WWTR1: variants seen among roughly 807,000 people sequenced by gnomAD.
The protein encoded by WWTR1 is WW domain containing transcription regulator 1.
WWTR1 carries 13 observed loss-of-function variants against 40.1 expected under a neutral mutation model. The ratio of observed to expected loss-of-function variants is 0.32; its 90% CI spans 0.21 to 0.52. The LOEUF is 0.52. WWTR1 is among the 20% of genes least tolerant of loss of function. WWTR1 has a pLI of 0.97. For missense variants in WWTR1, 436 were observed against 523.1 expected, an observed-to-expected ratio of 0.83 and a Z score of 1.63; for synonymous variants, 230 against 210.1, an observed-to-expected ratio of 1.09 and a Z score of -0.82.
chr3:149,562,397 A>G (rs1737124695), intron 3 of WWTR1, among the ~76,000 whole-genome samples: 1 of 152,200 alleles, frequency 6.6e-6, no homozygotes, highest in South Asian at 2.1e-4. Context: ...TTATGTTTGC[A>G]TTGAAGAAAG....
intron 1 of WWTR1, among the ~76,000 whole-genome samples, chr3:149,692,471 C>A (rs1466161763): frequency 3.3e-5 from 5 of 152,112 alleles, no homozygotes; most frequent in African/African-American, 1.2e-4. Context: ...AAACCCTCAA[C>A]AAACTGGGTA....
intron 2 of WWTR1, among the ~76,000 whole-genome samples, chr3:149,608,733 G>T (rs190377810): frequency 1.3e-5 from 2 of 150,720 alleles, no homozygotes; most frequent in East Asian, 3.9e-4. Context: ...ATCAGAAGAA[G>T]AACCAAAACA....
chr3:149,558,116 C>T (rs1023203496), intron 3 of WWTR1, among the ~76,000 whole-genome samples: 9 of 151,982 alleles, frequency 5.9e-5, no homozygotes, highest in African/African-American at 2.2e-4. Flanking sequence ...TCACAGATTG[C>T]CCTCAATGAG....
intron 1 of WWTR1, among the ~76,000 whole-genome samples, chr3:149,685,942 C>T (rs76073534): frequency 0.021 from 3,230 of 152,186 alleles, 65 homozygotes; most frequent in South Asian, 0.092. Flanking sequence ...GCTTAGTCCA[C>T]AATGCAAAAA....
chr3:149,590,376 G>A (rs1042960693), intron 2 of WWTR1, among the ~76,000 whole-genome samples: 3 of 152,180 alleles, frequency 2.0e-5, no homozygotes, highest in African/African-American at 7.2e-5. Flanking sequence ...TGGGCCGGGT[G>A]CGGTGGCTTA....
chr3:149,656,916 C>G lies in WWTR1; in HGVS notation c.391G>C (p.Glu131Gln). 6.4e-7 allele frequency: 1 copy of G among 1,554,544 alleles called. No individual in the cohort carries two copies. The highest frequency in any genetic ancestry group is 1.7e-4 in the Middle Eastern group (1 of 5,762). Residue 131 changes from glutamate to glutamine, a missense_variant, in exon 2 of 7, where the codon GAG becomes CAG. Glu to Gln is a conservative substitution (Grantham distance 29, BLOSUM62 2). Coordinates refer to ENST00000360632, the MANE Select transcript of WWTR1 (RefSeq NM_015472.6). ...TGGCCAGTGGCCGTGAAGGTCATCTCCCAGCCCGGGGGCAGTGGCAGCTCG... is the reference window on the plus strand; with the variant it reads ...TGGCCAGTGGCCGTGAAGGTCATCTGCCAGCCCGGGGGCAGTGGCAGCTCG... ...TDELPLPPGWEMTFTATGQRY... is the reference protein window; with the variant it reads ...TDELPLPPGWQMTFTATGQRY...
At chr3:149,686,625 TAC>T (rs900932079) in intron 1 of WWTR1, among the ~76,000 whole-genome samples, 1 of 152,110 alleles carries the variant, frequency 6.6e-6, no homozygotes, top group Non-Finnish European at 1.5e-5. Flanking sequence ...TACACTGGGT[TAC>T]ACACACACAC....
At chr3:149,645,037 G>T (rs1226612712) in intron 2 of WWTR1, among the ~76,000 whole-genome samples, 1 of 151,812 alleles carries the variant, frequency 6.6e-6, no homozygotes, top group Non-Finnish European at 1.5e-5. Context: ...ATTTTTAGTA[G>T]ATACGGGGTT....
intron 1 of WWTR1, among the ~76,000 whole-genome samples, chr3:149,696,392 A>T (rs1381329153): frequency 1.3e-5 from 2 of 152,116 alleles, no homozygotes; most frequent in East Asian, 3.9e-4. Context: ...ACTACAACCA[A>T]CCTTTACAGG....
intron 2 of WWTR1, among the ~76,000 whole-genome samples, chr3:149,652,765 T>C (rs564044021): frequency 6.6e-6 from 1 of 151,180 alleles, no homozygotes; most frequent in Non-Finnish European, 1.5e-5. Context: ...AAGAGCTACA[T>C]TCTCACTTTC....
chr3:149,664,945 A>G (rs1268196560), intron 2 of WWTR1, among the ~76,000 whole-genome samples: 1 of 152,158 alleles, frequency 6.6e-6, no homozygotes, highest in East Asian at 1.9e-4. Context: ...CATTTGGGCT[A>G]GAGAAAAAAG....
intron 2 of WWTR1, among the ~76,000 whole-genome samples, chr3:149,613,575 T>C (rs1057319726): frequency 1.4e-4 from 22 of 152,230 alleles, no homozygotes; most frequent in African/African-American, 4.8e-4. Flanking sequence ...TGGCAGGGTC[T>C]CACTCTGTTG....
chr3:149,587,961 A>G (rs1357076300), intron 2 of WWTR1, among the ~76,000 whole-genome samples: 2 of 152,248 alleles, frequency 1.3e-5, no homozygotes, highest in Non-Finnish European at 2.9e-5. Context: ...TCAATATGCA[A>G]CAAAAACCTG....
intron 2 of WWTR1, among the ~76,000 whole-genome samples, chr3:149,610,508 A>G (rs185083912): frequency 6.6e-6 from 1 of 152,364 alleles, no homozygotes; most frequent in African/African-American, 2.4e-5. Flanking sequence ...ACCTAATGTT[A>G]GTTCAACACG....
At chr3:149,703,838 T>C (rs1231116838), upstream of WWTR1, among the ~76,000 whole-genome samples, 2 of 152,298 alleles carry the variant, frequency 1.3e-5, no homozygotes, top group African/African-American at 4.8e-5. Context: ...CCTTCTGCCA[T>C]GATTGGAAGC....
chr3:149,666,845 C>T (rs1713842487), intron 2 of WWTR1, among the ~76,000 whole-genome samples: 1 of 152,204 alleles, frequency 6.6e-6, no homozygotes, highest in African/African-American at 2.4e-5. Flanking sequence ...TAATTACTTC[C>T]TCCTCTGTGA....
intron 2 of WWTR1, among the ~76,000 whole-genome samples, chr3:149,604,174 C>A (rs1265959035): frequency 6.6e-6 from 1 of 152,080 alleles, no homozygotes; most frequent in Non-Finnish European, 1.5e-5. Context: ...TAAGTATTAT[C>A]CCAACTTTAT....
At chr3:149,660,387 A>G (rs1713518355), upstream of WWTR1, 2 of 152,344 alleles carry the variant, frequency 1.3e-5, no homozygotes, top group African/African-American at 4.8e-5. Flanking sequence ...GCAAGGATGC[A>G]GTCTTCGTTT....
At chr3:149,723,922 T>C (rs1388324506) in intron 4 of WWTR1, among the ~76,000 whole-genome samples, 1 of 152,206 alleles carries the variant, frequency 6.6e-6, no homozygotes, top group East Asian at 1.9e-4. Context: ...GTGTACAGGT[T>C]GCTCCAGGAG....
Sources: gnomAD v4.1 joint callset for allele counts (sites outside exome capture counted in the v4.1 genomes callset) on GRCh38, gnomAD v4.1.1 for gene constraint, MANE v1.5 for transcripts, NCBI Gene and HGNC (gene_info 2026-07-23, HGNC 2026-07-21) for gene names.